The following HPSE variants were observed in gnomAD, a reference collection of about 807,000 sequenced individuals.
HPSE encodes endo-glucoronidase.
A neutral mutation model predicts 65.1 loss-of-function variants in HPSE; 48 were observed. The observed-to-expected ratio is 0.74, with a 90% CI of 0.58 to 0.94. The LOEUF is 0.94. Ranked by LOEUF, HPSE falls within the 40% of genes least tolerant of loss-of-function variation. The pLI is 0.00. For missense variants in HPSE, 644 were observed against 637.5 expected (o/e 1.01, Z -0.11); for synonymous variants, 243 against 260.0 (o/e 0.93, Z 0.63).
chr4:83,295,366 G>A lies in HPSE; in HGVS notation c.1610C>T (p.Ala537Val), dbSNP rs1404293017. 1.2e-6 allele frequency: 2 copies of A among 1,608,064 alleles called. No homozygotes were observed. The highest frequency in any genetic ancestry group is 1.7e-5 in the Admixed American group (1 of 59,060). The part of the protein sequence containing the change: ...FSYSFFVIRN[A>V]KVAACI ...TTTTCAGATGCAAGCAGCAACTTTG[G>A]CATTTCTTATCACAAAAAAACTATA... The change falls in exon 12 of 12, where the codon GCC becomes GTC. Residue 537 changes from alanine to valine, a missense_variant. Coordinates refer to ENST00000311412, the MANE Select transcript of HPSE (RefSeq NM_001098540.3).
chr4:83,318,692 A>T (rs1736752950), intron 3 of HPSE, among the ~76,000 whole-genome samples: 1 of 149,116 alleles, frequency 6.7e-6, no homozygotes, highest in African/African-American at 2.5e-5. Context: ...GCTGGGCGAC[A>T]AGAGTGAGAT....
At chr4:83,298,718 C>T (rs1198547190) in intron 11 of HPSE, among the ~76,000 whole-genome samples, 1 of 152,042 alleles carries the variant, frequency 6.6e-6, no homozygotes, top group Non-Finnish European at 1.5e-5. Flanking sequence ...GTCTCAGCTA[C>T]TCAGAAGGCT....
intron 5 of HPSE, among the ~76,000 whole-genome samples, chr4:83,310,360 C>CTTT (rs11447474): frequency 1.4e-5 from 2 of 148,070 alleles, no homozygotes; most frequent in Non-Finnish European, 3.0e-5. Context: ...CAGAGAGAAT[C>CTTT]TTTTTTTTTT....
chr4:83,309,228 C>T (rs928794813), intron 7 of HPSE, among the ~76,000 whole-genome samples, 174 bp downstream of exon 7: 2 of 152,120 alleles, frequency 1.3e-5, no homozygotes, highest in Admixed American at 6.5e-5. Context: ...TTTCTAATCA[C>T]GTACATGGGG....
chr4:83,328,156 C>A (rs1220293646), intron 1 of HPSE, among the ~76,000 whole-genome samples: 5 of 152,216 alleles, frequency 3.3e-5, no homozygotes, highest in Non-Finnish European at 5.9e-5. Flanking sequence ...CAGAGTACTG[C>A]AAACTAATTG....
upstream of HPSE, chr4:83,335,055 C>T (rs1317756039): frequency 4.1e-6 from 2 of 493,146 alleles, no homozygotes; most frequent in Non-Finnish European, 7.0e-6. Context: ...TACGAAATCA[C>T]CCACACCCAC....
chr4:83,300,164 C>T (rs1031659189), intron 11 of HPSE, among the ~76,000 whole-genome samples: 18 of 152,212 alleles, frequency 1.2e-4, no homozygotes, highest in African/African-American at 4.1e-4. Flanking sequence ...AAGATGTAGT[C>T]AATAATTGGT....
In HPSE at chr4:83,302,171, A is replaced by C; in HGVS notation, c.1304T>G (p.Leu435Arg). The change falls in exon 10 of 12, where the codon CTT becomes CGT. Residue 435 changes from leucine (L) to arginine (R), a missense_variant. By Grantham distance (102) the Leu-to-Arg change is moderately radical (BLOSUM62 -2). Transcript: ENST00000311412. ...TTACTTGTCAGTGTTTGTGCAATGAAGGTATACTCGAAGCTTCCTTCTCTT... is the reference window on the plus strand; with the variant it reads ...TTACTTGTCAGTGTTTGTGCAATGACGGTATACTCGAAGCTTCCTTCTCTT... ...GSKRRKLRVY[L>R]HCTNTDNPRY... 1 of 1,612,032 alleles carries C rather than the reference A, an allele frequency of 6.2e-7. No individual in the cohort carries two copies. Among genetic ancestry groups the C allele is most frequent in the Non-Finnish European group, 8.5e-7 (1 of 1,178,110 alleles).
intron 11 of HPSE, among the ~76,000 whole-genome samples, chr4:83,296,662 T>G (rs1735733633): frequency 6.7e-6 from 1 of 150,188 alleles, no homozygotes. Context: ...TAGAGCAAGA[T>G]TCTGTCTAAA....
chr4:83,323,392 T>C (rs757149653), intron 1 of HPSE, among the ~76,000 whole-genome samples: 1 of 152,110 alleles, frequency 6.6e-6, no homozygotes, highest in Non-Finnish European at 1.5e-5. Flanking sequence ...GGGATGTTGA[T>C]AATGAGGGAG....
intron 2 of HPSE, 121 bp from the exon 3 acceptor site, chr4:83,319,590 G>T: frequency 2.0e-6 from 2 of 989,166 alleles, no homozygotes; most frequent in Non-Finnish European, 1.5e-6. Context: ...CTGGTTATGA[G>T]GTAGGAGAGC....
At chr4:83,315,489 T>C (rs1274387299) in intron 3 of HPSE, among the ~76,000 whole-genome samples, 2 of 152,202 alleles carry the variant, frequency 1.3e-5, no homozygotes, top group African/African-American at 4.8e-5. Flanking sequence ...AGCCGTTTGG[T>C]GGCAGTACCA....
In HPSE at chr4:83,306,216, A is replaced by C; in HGVS notation, c.1193T>G (p.Phe398Cys). The C allele has an allele frequency of 6.3e-7, 1 of 1,598,680 alleles. No individual in the cohort carries two copies. Reference sequence around the variant, plus strand: ...ATGGTCACTTACAGGTAAAGGATCGAAGTTTTCATCCACTAAATGGTAGTT... The same window carrying C: ...ATGGTCACTTACAGGTAAAGGATCGCAGTTTTCATCCACTAAATGGTAGTT... ...AGNYHLVDEN[F>C]DPLPDYWLSL... Residue 398 changes from phenylalanine to cysteine, a missense_variant, in exon 9 of 12, where the codon TTC (phenylalanine) becomes TGC (cysteine). Phe to Cys is a radical substitution (Grantham distance 205). Transcript: ENST00000311412.
chr4:83,306,669 T>C (rs1025007423), intron 8 of HPSE, among the ~76,000 whole-genome samples: 6 of 152,190 alleles, frequency 3.9e-5, no homozygotes, highest in African/African-American at 1.4e-4. Context: ...TTCCTGGGTG[T>C]AGGCTGAACT....
intron 2 of HPSE, among the ~76,000 whole-genome samples, chr4:83,320,709 T>A (rs1344980179): frequency 7.9e-5 from 12 of 152,222 alleles, no homozygotes; most frequent in Admixed American, 7.2e-4. Context: ...AGCTGCACAC[T>A]GACTCGCTGG....
chr4:83,295,719 T>C (rs1310965064), intron 11 of HPSE, among the ~76,000 whole-genome samples: 1 of 152,188 alleles, frequency 6.6e-6, no homozygotes, highest in African/African-American at 2.4e-5. Flanking sequence ...AGAGACCATA[T>C]GGACTCCAAA....
intron 3 of HPSE, 28 bp downstream of exon 3, chr4:83,319,316 C>T (rs1400786999): frequency 1.9e-6 from 3 of 1,611,066 alleles, no homozygotes; most frequent in Non-Finnish European, 2.5e-6. Flanking sequence ...GGGGCTGGAA[C>T]ATCTCTAGGG....
At chr4:83,302,419 T>C (rs1246315362) in intron 9 of HPSE, 151 bp from the exon 10 acceptor site, 4 of 582,290 alleles carry the variant, frequency 6.9e-6, no homozygotes, top group East Asian at 5.9e-5. Flanking sequence ...TTTTTTTTTT[T>C]TCCCCTCACA....
chr4:83,317,720 A>G (rs916125154), intron 3 of HPSE, among the ~76,000 whole-genome samples: 3 of 152,178 alleles, frequency 2.0e-5, no homozygotes, highest in Admixed American at 6.5e-5. Flanking sequence ...CGACCCCCCA[A>G]GACTCACCTA....
Sources: allele counts gnomAD v4.1 joint callset (sites outside exome capture counted in the v4.1 genomes callset), GRCh38; gene constraint gnomAD v4.1.1; transcripts MANE v1.5; gene names NCBI Gene and HGNC (gene_info 2026-07-23, HGNC 2026-07-21).